Variants in KCTD2 observed in about 807,000 individuals in gnomAD.
The protein encoded by KCTD2 is potassium channel tetramerization domain containing 2.
In KCTD2, 18 loss-of-function variants were observed where a neutral mutation model predicts 27.9. The observed-to-expected ratio is 0.64, with a 90% CI of 0.45 to 0.96. The LOEUF (loss-of-function observed/expected upper bound fraction) is 0.96. Among genes scored for constraint, KCTD2 ranks in the 40% least tolerant of loss-of-function variants. The probability of loss-of-function intolerance (pLI) is 0.00; values close to 1 mark genes in which losing one functional copy is unlikely to be tolerated. For missense variants in KCTD2, 280 were observed against 348.0 expected (o/e 0.80, Z 1.56); for synonymous variants, 175 against 148.4 (o/e 1.18, Z -1.30).
chr17:75,043,626 A>AC (rs796808133), upstream of KCTD2, among the ~76,000 whole-genome samples: 238 of 151,812 alleles, frequency 1.6e-3, 2 homozygotes, highest in African/African-American at 5.7e-3. Flanking sequence ...AAAAAAAAAA[A>AC]AACAAACCCC....
At chr17:75,046,417 TC>T (rs1458986360), upstream of KCTD2, among the ~76,000 whole-genome samples, 2 of 152,104 alleles carry the variant, frequency 1.3e-5, no homozygotes, top group African/African-American at 4.8e-5. Flanking sequence ...TATTGCTTAA[TC>T]CCCAGCGCCT....
intron 3 of KCTD2, among the ~76,000 whole-genome samples, chr17:75,035,550 A>G (rs1281591035): frequency 1.3e-5 from 2 of 151,664 alleles, no homozygotes; most frequent in Non-Finnish European, 2.9e-5. Flanking sequence ...GCCGGGCCCA[A>G]TGGCTCACGC....
chr17:75,045,544 CTT>C (rs2073206011), upstream of KCTD2, among the ~76,000 whole-genome samples: 1 of 152,244 alleles, frequency 6.6e-6, no homozygotes, highest in South Asian at 2.1e-4. Flanking sequence ...TGCGCATTCT[CTT>C]TCTCAGGGAT....
At chr17:75,034,644 C>T (rs899009481) in intron 2 of KCTD2, among the ~76,000 whole-genome samples, 1 of 151,928 alleles carries the variant, frequency 6.6e-6, no homozygotes, top group African/African-American at 2.4e-5. Flanking sequence ...GCGCGGCGTC[C>T]CCACCGGGCT....
intron 3 of KCTD2, among the ~76,000 whole-genome samples, chr17:75,037,395 G>T (rs1423994986): frequency 4.0e-5 from 6 of 150,074 alleles, no homozygotes; most frequent in Non-Finnish European, 8.9e-5. Context: ...AGTCTCCCCT[G>T]CGTAGACCAT....
intron 2 of KCTD2, among the ~76,000 whole-genome samples, 165 bp downstream of exon 2, chr17:75,049,493 T>C (rs542381976): frequency 1.6e-4 from 24 of 152,326 alleles, no homozygotes; most frequent in Admixed American, 4.6e-4. Context: ...GAGGGAGTCA[T>C]GATTAAGGAA....
At chr17:75,049,790 T>G (rs563556023) in intron 2 of KCTD2, among the ~76,000 whole-genome samples, 1 of 152,258 alleles carries the variant, frequency 6.6e-6, no homozygotes, top group Non-Finnish European at 1.5e-5. Context: ...TGTAAATGTT[T>G]GCAGCTGACC....
rs1036901978 is a variant in KCTD2, at chr17:75,065,671, T to C, written c.*2624T>C. ...TTTGTTTCTGCACAGTTGTAACTGC[T>C]CTTGGGGATGTCAGTGAGGCTGGGA... On this transcript the variant is annotated 3_prime_UTR_variant, in exon 6 of 6. Transcript: ENST00000322444. 1 of 152,228 alleles carries C rather than the reference T, an allele frequency of 6.6e-6. No individual in the cohort carries two copies. Among genetic ancestry groups the C allele is most frequent in the African/African-American group, 2.4e-5 (1 of 41,416 alleles). 9.4% of individuals were successfully genotyped at this position (152,228 alleles called of 1,614,324 possible).
chr17:75,047,177 G>A, upstream of KCTD2: 1 of 432,326 alleles, frequency 2.3e-6, no homozygotes, highest in African/African-American at 2.1e-5. Flanking sequence ...CGATGGGCCG[G>A]CCCGGCTCTC....
At chr17:75,047,690 C>T (rs1598120074) in intron 1 of KCTD2, 101 bp downstream of exon 1, 2 of 1,274,894 alleles carry the variant, frequency 1.6e-6, no homozygotes, top group Admixed American at 2.4e-5. Context: ...AGGCAGCCCC[C>T]TCAGGCCGGG....
At chr17:75,057,116 G>T (rs1302470613) in intron 3 of KCTD2, among the ~76,000 whole-genome samples, 3 of 151,774 alleles carry the variant, frequency 2.0e-5, no homozygotes, top group Non-Finnish European at 4.4e-5. Flanking sequence ...ACCACGCCCG[G>T]CTAATTTTTG....
In KCTD2 at chr17:75,049,225, G is replaced by C. The variant is rs2073260226; in HGVS notation, c.345G>C (p.Glu115Asp). Residue 115 changes from glutamate (E) to aspartate (D), a missense_variant, in exon 2 of 6, where the codon GAG (glutamate) becomes GAC (aspartate). Transcript: ENST00000322444. ...EDPELDSDKD[E>D]TGAYLIDRDP... Reference sequence around the variant, plus strand: ...CCCTTGTGTTTGGTTGGCAGGATGAGACAGGAGCCTATCTGATTGACAGGG... The same window carrying C: ...CCCTTGTGTTTGGTTGGCAGGATGACACAGGAGCCTATCTGATTGACAGGG... 1.2e-6 allele frequency: 2 copies of C among 1,605,896 alleles called. No individual in the cohort carries two copies. Among genetic ancestry groups the C allele is most frequent in the Non-Finnish European group, 1.7e-6 (2 of 1,172,780 alleles).
Position 75,047,565 on chromosome 17 carries a change from G to T in KCTD2, c.315G>T (p.Glu105Asp), listed in dbSNP as rs540979970. Residue 105 changes from glutamate (E) to aspartate (D), a missense_variant, in exon 1 of 6, where the codon GAG (glutamate) becomes GAT (aspartate). Transcript: ENST00000322444. ...KSFLCRLCCQ[E>D]DPELDSDKDE... ...TTCTCTGCCGCCTCTGCTGCCAGGA[G>T]GACCCGGAGCTGGACTCAGACAAGG... 8.7e-6 allele frequency: 14 copies of T among 1,610,582 alleles called. No homozygotes were observed. The highest frequency in any genetic ancestry group is 1.1e-5 in the Non-Finnish European group (13 of 1,178,932).
chr17:75,048,387 C>T (rs1277524857), intron 1 of KCTD2, among the ~76,000 whole-genome samples: 1 of 152,110 alleles, frequency 6.6e-6, no homozygotes, highest in Non-Finnish European at 1.5e-5. Context: ...GACCATAACT[C>T]ACACCATCTT....
intron 3 of KCTD2, among the ~76,000 whole-genome samples, chr17:75,056,505 G>C (rs923834952): frequency 1.3e-5 from 2 of 152,132 alleles, no homozygotes; most frequent in Non-Finnish European, 2.9e-5. Context: ...TAAGATTTCT[G>C]TTTGATGACC....
At chr17:75,042,036 C>A in intron 3 of KCTD2, 1 of 650,910 alleles carries the variant, frequency 1.5e-6, no homozygotes, top group Non-Finnish European at 2.6e-6. Flanking sequence ...ACAGTTCAAT[C>A]GACCACAAGG....
chr17:75,048,111 G>T (rs1358329297), intron 1 of KCTD2, among the ~76,000 whole-genome samples: 1 of 152,180 alleles, frequency 6.6e-6, no homozygotes, highest in Non-Finnish European at 1.5e-5. Flanking sequence ...CCTGGTCGCA[G>T]AACTTTTATC....
chr17:75,059,908 G>C (rs1265361580), intron 4 of KCTD2, among the ~76,000 whole-genome samples: 5 of 152,198 alleles, frequency 3.3e-5, no homozygotes, highest in Non-Finnish European at 5.9e-5. Context: ...CACAGGGATC[G>C]TAGAATGAGT....
chr17:75,065,092 C>T lies in KCTD2; in HGVS notation c.*2045C>T, dbSNP rs962079302. 6.6e-6 allele frequency: 1 copy of T among 152,198 alleles called. No homozygotes were observed. The highest frequency in any genetic ancestry group is 6.5e-5 in the Admixed American group (1 of 15,276). The allele number at this position is 152,198 out of a possible 1,614,324, so 9.4% of individuals were successfully genotyped here. A position where few individuals can be genotyped will look rare whatever the true frequency, so the allele number is the denominator to read the frequency against. ...CAATGTTGAGCACCTCCTGAGGGCG[C>T]CGTTTCCTTCATTCCTCTTAGATTC... On this transcript the variant is annotated 3_prime_UTR_variant, in exon 6 of 6. Transcript: ENST00000322444.
Sources: allele counts gnomAD v4.1 joint callset (sites outside exome capture counted in the v4.1 genomes callset), GRCh38; gene constraint gnomAD v4.1.1; transcripts MANE v1.5; gene names NCBI Gene and HGNC (gene_info 2026-07-23, HGNC 2026-07-21).